CTNNA3: variants seen among roughly 807,000 people sequenced by gnomAD.
CTNNA3 encodes the protein catenin alpha 3.
CTNNA3 carries 76 observed loss-of-function variants against 95.7 expected under a neutral mutation model. The ratio of observed to expected loss-of-function variants is 0.79; its 90% CI spans 0.66 to 0.96. The LOEUF (loss-of-function observed/expected upper bound fraction) is 0.96, where lower values mean the gene tolerates loss of function less well. Ranked by LOEUF, CTNNA3 falls within the 40% of genes least tolerant of loss-of-function variation. The pLI, the probability that CTNNA3 is intolerant of heterozygous loss-of-function variation, is 0.00. For missense variants in CTNNA3, 1,191 were observed against 1,089.8 expected, an observed-to-expected ratio of 1.09 and a Z score of -1.31; for synonymous variants, 431 against 374.4, an observed-to-expected ratio of 1.15 and a Z score of -1.74.
At chr10:66,454,056 G>T (rs2093480678) in intron 11 of CTNNA3, among the ~76,000 whole-genome samples, 1 of 125,960 alleles carries the variant, frequency 7.9e-6, no homozygotes, top group African/African-American at 3.4e-5. Flanking sequence ...AGCGTGATGA[G>T]TTGTGAGAAC....
chr10:66,267,600 A>T (rs1162542397), intron 13 of CTNNA3, among the ~76,000 whole-genome samples: 1 of 152,160 alleles, frequency 6.6e-6, no homozygotes. Context: ...CTTAAAACCT[A>T]GCACAGTGAT....
At chr10:67,107,745 G>A (rs991411715) in intron 7 of CTNNA3, among the ~76,000 whole-genome samples, 3 of 152,236 alleles carry the variant, frequency 2.0e-5, no homozygotes, top group Admixed American at 6.5e-5. Context: ...ACAGCCAGGT[G>A]TGAGGGGGTC....
chr10:66,229,758 A>G (rs1159406147), intron 13 of CTNNA3, among the ~76,000 whole-genome samples: 2 of 152,076 alleles, frequency 1.3e-5, no homozygotes, highest in Non-Finnish European at 2.9e-5. Flanking sequence ...GGATATCCAT[A>G]TCTCTTCTAA....
At chr10:66,421,882 C>A (rs2093197037) in intron 11 of CTNNA3, among the ~76,000 whole-genome samples, 1 of 81,260 alleles carries the variant, frequency 1.2e-5, no homozygotes, top group African/African-American at 5.5e-5. Flanking sequence ...TTTCTAAGAG[C>A]TTCATAATAA....
intron 5 of CTNNA3, among the ~76,000 whole-genome samples, chr10:67,369,165 T>C (rs961221483): frequency 6.6e-6 from 1 of 152,142 alleles, no homozygotes; most frequent in Admixed American, 6.5e-5. Flanking sequence ...CCTTGGTAAT[T>C]AAAATACTGA....
chr10:67,699,124 C>G (rs1356439357), upstream of CTNNA3, among the ~76,000 whole-genome samples: 2 of 152,148 alleles, frequency 1.3e-5, no homozygotes, highest in Non-Finnish European at 2.9e-5. Flanking sequence ...TGCTCCTTCA[C>G]GATCACCTCA....
At chr10:66,317,322 A>T (rs912158950) in intron 12 of CTNNA3, among the ~76,000 whole-genome samples, 2 of 152,016 alleles carry the variant, frequency 1.3e-5, no homozygotes, top group Non-Finnish European at 2.9e-5. Context: ...CCATTTCTAC[A>T]TAATTCCTCA....
chr10:66,484,894 G>A (rs1839672269), intron 11 of CTNNA3, among the ~76,000 whole-genome samples: 1 of 152,012 alleles, frequency 6.6e-6, no homozygotes, highest in Admixed American at 6.6e-5. Flanking sequence ...GATAAAGTGG[G>A]GTTTATCCCT....
intron 5 of CTNNA3, among the ~76,000 whole-genome samples, chr10:67,246,025 C>A (rs1397338584): frequency 2.0e-5 from 3 of 152,236 alleles, no homozygotes; most frequent in Non-Finnish European, 4.4e-5. Context: ...CTACTTAGGT[C>A]ATCTTTCATG....
At chr10:65,988,601 G>C (rs1306516642) in intron 16 of CTNNA3, 91 bp downstream of exon 16, 11 of 939,020 alleles carry the variant, frequency 1.2e-5, no homozygotes, top group Admixed American at 6.1e-5. Flanking sequence ...TGGTTGAAGA[G>C]AGTAAAAATT....
chr10:66,006,214 A>G (rs1197742078), intron 15 of CTNNA3, among the ~76,000 whole-genome samples: 1 of 151,596 alleles, frequency 6.6e-6, no homozygotes, highest in African/African-American at 2.4e-5. Context: ...GGGGCTTCAC[A>G]GTGTTAGCCA....
chr10:67,317,060 A>G (rs1021052356), intron 5 of CTNNA3, among the ~76,000 whole-genome samples: 1 of 152,184 alleles, frequency 6.6e-6, no homozygotes. Context: ...TAAATGTTTC[A>G]AAAACTGTAG....
At chr10:67,480,553 G>A (rs571180753) in intron 5 of CTNNA3, among the ~76,000 whole-genome samples, 28 of 152,322 alleles carry the variant, frequency 1.8e-4, no homozygotes, top group African/African-American at 5.5e-4. Flanking sequence ...TGCTCAAGGC[G>A]TTCCTAAACC....
intron 11 of CTNNA3, among the ~76,000 whole-genome samples, chr10:66,444,524 AT>A (rs2093402861): frequency 1.3e-5 from 2 of 151,890 alleles, no homozygotes; most frequent in African/African-American, 4.9e-5. Flanking sequence ...AACATTTCAC[AT>A]TCTTAAAGAA....
At chr10:67,502,076 C>A (rs1839249489) in intron 5 of CTNNA3, among the ~76,000 whole-genome samples, 1 of 152,182 alleles carries the variant, frequency 6.6e-6, no homozygotes, top group African/African-American at 2.4e-5. Context: ...CCTTTTTGTG[C>A]TGGTTTTTTC....
intron 13 of CTNNA3, among the ~76,000 whole-genome samples, chr10:66,114,268 G>A (rs1214505471): frequency 6.6e-6 from 1 of 151,880 alleles, no homozygotes; most frequent in Admixed American, 6.6e-5. Context: ...TTCCAAAAAT[G>A]CTATTCTATA....
chr10:66,545,639 TAGTCTCCC>T (rs1313020896), intron 10 of CTNNA3, among the ~76,000 whole-genome samples: 1 of 152,084 alleles, frequency 6.6e-6, no homozygotes, highest in Non-Finnish European at 1.5e-5. Flanking sequence ...CATACTGATG[TAGTCTCCC>T]AGCAACATAT....
At chr10:66,567,391 G>A (rs2132153576) in intron 10 of CTNNA3, among the ~76,000 whole-genome samples, 1 of 152,204 alleles carries the variant, frequency 6.6e-6, no homozygotes, top group South Asian at 2.1e-4. Context: ...GGCCAAGGCA[G>A]GAGAATTGCT....
intron 13 of CTNNA3, among the ~76,000 whole-genome samples, chr10:66,239,810 A>G (rs1397099729): frequency 1.3e-5 from 2 of 151,930 alleles, no homozygotes; most frequent in African/African-American, 4.8e-5. Context: ...TAACTGTTAA[A>G]TTGGGCATTT....
Sources: allele counts gnomAD v4.1 joint callset (sites outside exome capture counted in the v4.1 genomes callset), GRCh38; gene constraint gnomAD v4.1.1; transcripts MANE v1.5; gene names NCBI Gene and HGNC (gene_info 2026-07-23, HGNC 2026-07-21).